Variants in GZMA observed in about 807,000 individuals in gnomAD.
The protein encoded by GZMA is granzyme A.
In GZMA, 17 loss-of-function variants were observed where a neutral mutation model predicts 21.1. The ratio of observed to expected loss-of-function variants is 0.81; its 90% confidence interval spans 0.55 to 1.21. The LOEUF is 1.21. Ranked by LOEUF, GZMA falls within the 50% of genes most tolerant of loss-of-function variation. The pLI is 0.00. For missense variants in GZMA, 306 were observed against 315.9 expected (o/e 0.97, Z 0.24); for synonymous variants, 90 against 107.8 (o/e 0.83, Z 1.03).
At chr5:55,108,958 C>A (rs1561281138) in intron 4 of GZMA, among the ~76,000 whole-genome samples, 1 of 152,162 alleles carries the variant, frequency 6.6e-6, no homozygotes, top group African/African-American at 2.4e-5. Context: ...ATCCTAGAAC[C>A]CCCTGAGAAG....
Position 55,105,580 on chromosome 5 carries a change from T to C in GZMA, c.177T>C (p.Ile59=), listed in dbSNP as rs750107858. The part of the protein sequence containing the change: ...DRKTICAGAL[I]AKDWVLTAAH... ...AAACCATCTGTGCTGGGGCTTTGAT[T>C]GCAAAAGACTGGGTGTTGACTGCAG... The change falls in exon 2 of 5, where the codon ATT becomes ATC. Residue 59 remains isoleucine (I), a synonymous_variant. Coordinates refer to ENST00000274306, the MANE Select transcript of GZMA (RefSeq NM_006144.4). 2 of 1,613,956 alleles carry C rather than the reference T, an allele frequency of 1.2e-6. No individual in the cohort carries two copies. The highest frequency in any genetic ancestry group is 1.7e-6 in the Non-Finnish European group (2 of 1,179,850).
intron 1 of GZMA, among the ~76,000 whole-genome samples, chr5:55,103,420 A>G (rs1199135865): frequency 1.3e-5 from 2 of 152,178 alleles, no homozygotes; most frequent in Non-Finnish European, 2.9e-5. Context: ...GTGCTATAGT[A>G]TTTTTTATTA....
Position 55,106,301 on chromosome 5 carries a change from T to TAAAACAAA in GZMA, c.215+684_215+685insAAACAAAA, listed in dbSNP as rs1237092614. Among the ~76,000 whole-genome samples the TAAAACAAA allele has an allele frequency of 5.6e-3, 5 of 900 alleles. 2 individuals carry two copies. Among genetic ancestry groups the TAAAACAAA allele is most frequent in the East Asian group, 0.5 (2 of 4 alleles). 0.6% of individuals were successfully genotyped at this position (900 alleles called of 152,430 possible). ...TAAAATAAAATAAAATAAAATAAAATATAAAATAAAATAAAATATAAAATA... is the reference window on the plus strand; with the variant it reads ...TAAAATAAAATAAAATAAAATAAAATAAAACAAAATAAAATAAAATAAAATATAAAATA... On this transcript the variant is annotated intron_variant, in intron 2 of 4. Coordinates refer to ENST00000274306, the MANE Select transcript of GZMA (RefSeq NM_006144.4).
chr5:55,105,688 G>A (rs895011827), intron 2 of GZMA, 70 bp downstream of exon 2: 19 of 1,391,524 alleles, frequency 1.4e-5, no homozygotes, highest in African/African-American at 1.3e-4. Context: ...AATAAAAAGA[G>A]TAGGCCGGGC....
In GZMA at chr5:55,108,223, G is replaced by GT; in HGVS notation, c.457dup (p.Trp153LeufsTer7). On this transcript the variant is annotated frameshift_variant, in exon 4 of 5. Transcript: ENST00000274306. LOFTEE classifies it high-confidence loss of function. ...CAGGAACCATGTGCCAAGTTGCAGG[G>GT]TGGGGCAGGACTCACAATAGTGCAT... 1 of 1,613,742 alleles carries GT rather than the reference G, an allele frequency of 6.2e-7. No homozygotes were observed. The highest frequency in any genetic ancestry group is 2.2e-5 in the East Asian group (1 of 44,840).
At chr5:55,102,874 A>C in intron 1 of GZMA, 122 bp downstream of exon 1, 1 of 706,358 alleles carries the variant, frequency 1.4e-6, no homozygotes. Flanking sequence ...AAGCCTTATA[A>C]TGTTTAGCCA....
chr5:55,103,903 G>A (rs528972346), intron 1 of GZMA, among the ~76,000 whole-genome samples: 1 of 152,228 alleles, frequency 6.6e-6, no homozygotes, highest in East Asian at 1.9e-4. Flanking sequence ...CTACGCAGGA[G>A]GCTGAGGCAG....
At chr5:55,105,386 A>T (rs1359182603) in intron 1 of GZMA, 88 bp from the exon 2 acceptor site, 1 of 1,200,164 alleles carries the variant, frequency 8.3e-7, no homozygotes, top group African/African-American at 1.5e-5. Flanking sequence ...TCTGAGTGCA[A>T]AAAGCATGGC....
At position 55,108,394 on chromosome 5, in the gene GZMA, T is replaced by C. The variant is rs1469343517; in HGVS notation, c.627T>C (p.Asn209=). ...GSLRGGRDSC[N]GDSGSPLLCE... is the part of the protein sequence containing the mutation. The stretch of plus-strand genomic sequence containing the variant: ...TCCGAGGTGGAAGAGACTCGTGCAA[T>C]GTAAGTAAAATAAGATCCCACGTTT... The change falls in exon 4 of 5, where the codon AAT becomes AAC. Residue 209 remains asparagine, a splice_region_variant and synonymous_variant. Transcript: ENST00000274306. 2 of 1,606,496 alleles carry C rather than the reference T, an allele frequency of 1.2e-6. No individual in the cohort carries two copies. The highest frequency in any genetic ancestry group is 1.7e-6 in the Non-Finnish European group (2 of 1,174,572).
chr5:55,102,901 C>T, intron 1 of GZMA, 149 bp downstream of exon 1: 1 of 640,524 alleles, frequency 1.6e-6, no homozygotes, highest in South Asian at 1.8e-5. Flanking sequence ...ATGGCACATG[C>T]CTGTAGTCCC....
intron 1 of GZMA, among the ~76,000 whole-genome samples, chr5:55,104,910 TCTTAA>T (rs1299474413): frequency 6.6e-6 from 1 of 152,222 alleles, no homozygotes; most frequent in Non-Finnish European, 1.5e-5. Context: ...GATGTTATTT[TCTTAA>T]CTTATGAGTG....
At position 55,110,190 on chromosome 5, in the gene GZMA, T is replaced by C; in HGVS notation, c.*8T>C. The C allele has an allele frequency of 6.4e-7, 1 of 1,559,958 alleles. No individual in the cohort carries two copies. The highest frequency in any genetic ancestry group is 8.7e-7 in the Non-Finnish European group (1 of 1,152,058). On this transcript the variant is annotated 3_prime_UTR_variant, in exon 5 of 5. Coordinates refer to ENST00000274306, the MANE Select transcript of GZMA (RefSeq NM_006144.4). The stretch of plus-strand genomic sequence containing the variant: ...ATCAAGGGAGCAGTTTAAATAACCG[T>C]TTCCTTTCATTTACTGTGGCTTCTT...
Position 55,105,637 on chromosome 5 carries a change from A to T in GZMA, c.215+19A>T, listed in dbSNP as rs777818205. On this transcript the variant is annotated intron_variant, in intron 2 of 4. Coordinates refer to ENST00000274306, the MANE Select transcript of GZMA (RefSeq NM_006144.4). The stretch of plus-strand genomic sequence containing the variant: ...GTAACTTGTAAGTGCCTGGGTTTTT[A>T]AAAAAAAGTTTGTAAAGATACTCTA... 3.4e-5 allele frequency: 54 copies of T among 1,591,330 alleles called. No homozygotes were observed. The highest frequency in any genetic ancestry group is 2.4e-4 in the South Asian group (22 of 89,990).
intron 4 of GZMA, among the ~76,000 whole-genome samples, chr5:55,109,043 G>GA (rs2111767360): frequency 6.6e-6 from 1 of 152,228 alleles, no homozygotes; most frequent in African/African-American, 2.4e-5. Flanking sequence ...GTACTACCTT[G>GA]CATTTCTCAT....
chr5:55,109,990 C>A, intron 4 of GZMA, 31 bp from the exon 5 acceptor site: 1 of 1,542,840 alleles, frequency 6.5e-7, no homozygotes, highest in Non-Finnish European at 8.7e-7. Flanking sequence ...GAACACTGAC[C>A]CCACACCCTA....
chr5:55,104,445 C>T (rs1742351064), intron 1 of GZMA, among the ~76,000 whole-genome samples: 1 of 152,184 alleles, frequency 6.6e-6, no homozygotes, highest in Admixed American at 6.5e-5. Context: ...TCAAATCACA[C>T]TAGCCACATT....
intron 4 of GZMA, among the ~76,000 whole-genome samples, chr5:55,109,535 G>T (rs8192915): frequency 6.6e-6 from 1 of 152,196 alleles, no homozygotes; most frequent in Non-Finnish European, 1.5e-5. Context: ...AGGATCCCGG[G>T]TTCCAACATG....
rs1742477241 is a variant in GZMA, at chr5:55,110,124, T to G, written c.731T>G (p.Ile244Ser). The change falls in exon 5 of 5, where the codon ATT becomes AGT. Residue 244 changes from isoleucine (I) to serine (S), a missense_variant. Coordinates refer to ENST00000274306, the MANE Select transcript of GZMA (RefSeq NM_006144.4). The part of the protein sequence containing the change: ...CGDPRGPGVY[I>S]LLSKKHLNWI... ...GACCCTCGTGGGCCTGGTGTCTATA[T>G]TCTTCTCTCAAAGAAACACCTCAAC... 2.5e-6 allele frequency: 4 copies of G among 1,612,500 alleles called. No homozygotes were observed. Among genetic ancestry groups the G allele is most frequent in the Non-Finnish European group, 3.4e-6 (4 of 1,178,948 alleles).
intron 3 of GZMA, 64 bp downstream of exon 3, chr5:55,107,999 A>C: frequency 6.7e-7 from 1 of 1,501,674 alleles, no homozygotes; most frequent in South Asian, 1.2e-5. Context: ...CGCCGACGTG[A>C]AAACCTTTCC....
Sources: gnomAD v4.1 joint callset for allele counts (sites outside exome capture counted in the v4.1 genomes callset) on GRCh38, gnomAD v4.1.1 for gene constraint, MANE v1.5 for transcripts, NCBI Gene and HGNC (gene_info 2026-07-23, HGNC 2026-07-21) for gene names.